Variants in TAC4 observed in about 807,000 individuals in gnomAD.
The protein encoded by TAC4 is tachykinin precursor 4.
In TAC4, 17 loss-of-function variants were observed where a neutral mutation model predicts 17.7. The observed-to-expected ratio is 0.96, with a 90% confidence interval of 0.66 to 1.44. The LOEUF (loss-of-function observed/expected upper bound fraction) is 1.44. Ranked by LOEUF, TAC4 falls within the 40% of genes most tolerant of loss-of-function variation. The pLI is 0.00. For missense variants in TAC4, 118 were observed against 125.6 expected, an observed-to-expected ratio of 0.94 and a Z score of 0.29; for synonymous variants, 62 against 52.4, an observed-to-expected ratio of 1.18 and a Z score of -0.79.
At position 49,847,725 on chromosome 17, in the gene TAC4, A is replaced by ACACACT. The variant is rs1181692539; in HGVS notation, c.105+187_105+188insAGTGTG. The ACACACT allele has an allele frequency of 1.1e-5, 8 of 725,158 alleles. No homozygotes were observed. The African/African-American group carries it at 1.5e-4, about 14-fold the overall frequency. The allele number at this position is 725,158 out of a possible 1,614,324, so 44.9% of individuals were successfully genotyped here. ...CACACACACACACACACACACACAC[A>ACACACT]CTTCGGAGGTCTGCCAGGCCAGGGC... On this transcript the variant is annotated intron_variant, in intron 1 of 4. Transcript: ENST00000436235.
At chr17:49,846,100 G>GT in intron 1 of TAC4, 1 of 731,594 alleles carries the variant, frequency 1.4e-6, no homozygotes, top group Non-Finnish European at 2.0e-6. Flanking sequence ...TCTGTGCCTG[G>GT]TGGGGGGGCA....
chr17:49,840,482 G>A (rs975962818), intron 3 of TAC4, among the ~76,000 whole-genome samples: 11 of 152,044 alleles, frequency 7.2e-5, no homozygotes, highest in African/African-American at 2.7e-4. Flanking sequence ...AGGGAGTGGA[G>A]GGTACAGGTT....
At chr17:49,840,007 C>G in intron 3 of TAC4, 98 bp from the exon 4 acceptor site, 1 of 1,193,354 alleles carries the variant, frequency 8.4e-7, no homozygotes, top group South Asian at 1.4e-5. Flanking sequence ...GGGCGAGGGC[C>G]GGGGCCAGGG....
intron 1 of TAC4, chr17:49,846,227 C>T: frequency 3.9e-6 from 5 of 1,289,170 alleles, no homozygotes; most frequent in Non-Finnish European, 4.0e-6. Flanking sequence ...TGGGGGAGCC[C>T]CGAGAGCAAG....
intron 3 of TAC4, among the ~76,000 whole-genome samples, chr17:49,840,589 G>A (rs1480815678): frequency 6.6e-6 from 1 of 151,976 alleles, no homozygotes; most frequent in Admixed American, 6.6e-5. Context: ...TGCAACCTCT[G>A]CCTCCCGGGT....
intron 3 of TAC4, among the ~76,000 whole-genome samples, chr17:49,841,190 T>C (rs1273259869): frequency 6.6e-6 from 1 of 151,940 alleles, no homozygotes; most frequent in Non-Finnish European, 1.5e-5. Flanking sequence ...GGTCCAGATT[T>C]GCACTTTTAA....
chr17:49,841,606 A>C (rs776855724), intron 2 of TAC4, 22 bp from the exon 3 acceptor site: 1 of 1,558,528 alleles, frequency 6.4e-7, no homozygotes, highest in East Asian at 2.5e-5. Flanking sequence ...AGAAGGAATG[A>C]GGACTACGGA....
intron 4 of TAC4, among the ~76,000 whole-genome samples, chr17:49,838,885 C>T (rs2074476708): frequency 6.6e-6 from 1 of 152,112 alleles, no homozygotes; most frequent in South Asian, 2.1e-4. Context: ...ATGGAGCCCA[C>T]CCTCAGTTAC....
At chr17:49,846,849 C>T (rs905658720) in intron 1 of TAC4, 33 of 853,234 alleles carry the variant, frequency 3.9e-5, no homozygotes, top group Admixed American at 6.7e-5. Context: ...AGACCAGGTA[C>T]CCTGATGTTT....
chr17:49,846,613 TA>T (rs2074542568), intron 1 of TAC4, among the ~76,000 whole-genome samples: 1 of 152,170 alleles, frequency 6.6e-6, no homozygotes, highest in Non-Finnish European at 1.5e-5. Flanking sequence ...ACAGCATTTG[TA>T]AGTTCTTCCT....
At chr17:49,846,100 G>C in intron 1 of TAC4, 1 of 731,594 alleles carries the variant, frequency 1.4e-6, no homozygotes, top group South Asian at 1.7e-5. Flanking sequence ...TCTGTGCCTG[G>C]TGGGGGGGCA....
chr17:49,839,790 A>G lies in TAC4; in HGVS notation c.292+60T>C, dbSNP rs946604087. ...CCCAGCCCCCATCTTGCAGACTGGC[A>G]GCAAAGTGTCTGGCCATTTTCCCAT... On this transcript the variant is annotated intron_variant, in intron 4 of 4. Transcript: ENST00000436235. The G allele has an allele frequency of 7.2e-6, 11 of 1,517,614 alleles. No homozygotes were observed. In the African/African-American group the frequency reaches 1.5e-4, roughly 21 times the overall value. 94.0% of individuals were successfully genotyped at this position (1,517,614 alleles called of 1,614,324 possible).
Position 49,838,530 on chromosome 17 carries a change from C to A in TAC4, c.*112G>T, listed in dbSNP as rs958696354. On this transcript the variant is annotated 3_prime_UTR_variant, in exon 5 of 5. Coordinates refer to ENST00000436235, the MANE Select transcript of TAC4 (RefSeq NM_001077506.2). The stretch of plus-strand genomic sequence containing the variant: ...GTGTGGGCCTTGTGTGAAGTGCCAG[C>A]GATGAGGACAGGAGACACAGAGAAG... 2 of 1,328,978 alleles carry A rather than the reference C, an allele frequency of 1.5e-6. No individual in the cohort carries two copies. The highest frequency in any genetic ancestry group is 2.3e-5 in the East Asian group (1 of 42,714). 82.3% of individuals were successfully genotyped at this position (1,328,978 alleles called of 1,614,324 possible). A position where few individuals can be genotyped will look rare whatever the true frequency, so the allele number is the denominator to read the frequency against.
At chr17:49,842,004 C>G (rs1470913173) in intron 2 of TAC4, among the ~76,000 whole-genome samples, 1 of 148,286 alleles carries the variant, frequency 6.7e-6, no homozygotes, top group Admixed American at 6.8e-5. Flanking sequence ...CCCAGGTTCA[C>G]GCCATTCTCC....
chr17:49,840,007 C>CGGGGCCAGGGCT (rs886189813), intron 3 of TAC4, 98 bp from the exon 4 acceptor site: 174 of 1,193,232 alleles, frequency 1.5e-4, no homozygotes, highest in Non-Finnish European at 1.9e-4. Flanking sequence ...GGGCGAGGGC[C>CGGGGCCAGGGCT]GGGGCCAGGG....
chr17:49,846,952 AAAG>A (rs1228289095), intron 1 of TAC4: 1 of 1,287,438 alleles, frequency 7.8e-7, no homozygotes, highest in Non-Finnish European at 1.0e-6. Flanking sequence ...TGATGTCCAG[AAAG>A]AAGCAGGCAT....
chr17:49,844,604 A>G (rs887785125), intron 1 of TAC4, among the ~76,000 whole-genome samples: 1 of 152,152 alleles, frequency 6.6e-6, no homozygotes, highest in Non-Finnish European at 1.5e-5. Flanking sequence ...ATAAAAATAC[A>G]AAAATTAGCT....
intron 3 of TAC4, among the ~76,000 whole-genome samples, chr17:49,840,887 CTTTTTTTTT>C (rs778120935): frequency 1.3e-5 from 1 of 79,556 alleles, no homozygotes; most frequent in African/African-American, 6.0e-5. Context: ...TAGATTTGTA[CTTTTTTTTT>C]TTTTTTTTTT....
At chr17:49,847,684 C>CACACAG in intron 1 of TAC4, 1 of 507,970 alleles carries the variant, frequency 2.0e-6, no homozygotes, top group South Asian at 2.1e-5. Flanking sequence ...CACACACACA[C>CACACAG]ACACACAGAC....
Sources: gnomAD v4.1 joint callset for allele counts (sites outside exome capture counted in the v4.1 genomes callset) on GRCh38, gnomAD v4.1.1 for gene constraint, MANE v1.5 for transcripts, NCBI Gene and HGNC (gene_info 2026-07-23, HGNC 2026-07-21) for gene names.